The following ARHGAP44 variants were observed in gnomAD, a reference collection of about 807,000 sequenced individuals.
ARHGAP44 encodes the protein Rho GTPase activating protein 44.
ARHGAP44 carries 43 observed loss-of-function variants against 106.8 expected under a neutral mutation model. The ratio of observed to expected loss-of-function variants is 0.40; its 90% CI spans 0.32 to 0.52. The LOEUF (loss-of-function observed/expected upper bound fraction) is 0.52. Ranked by LOEUF, ARHGAP44 falls within the 20% of genes least tolerant of loss-of-function variation. The pLI, the probability that ARHGAP44 is intolerant of heterozygous loss-of-function variation, is 0.48. For synonymous variants in ARHGAP44, 439 were observed against 410.3 expected (o/e 1.07, Z -0.85); for missense variants, 866 against 1,050.5 (o/e 0.82, Z 2.43).
chr17:12,956,064 G>T, intron 14 of ARHGAP44, 84 bp downstream of exon 14: 2 of 925,338 alleles, frequency 2.2e-6, no homozygotes, highest in East Asian at 5.0e-5. Flanking sequence ...CTGGGGCCTA[G>T]CTGAGCACCA....
In ARHGAP44 at chr17:12,990,311, G is replaced by GA; in HGVS notation, c.*144dup. Reference sequence around the variant, plus strand: ...GCCAACACGAGGTTGGAATTTGGCAGAAAATTGTGATCTCCAGTCCGTGTG... The same window carrying GA: ...GCCAACACGAGGTTGGAATTTGGCAGAAAAATTGTGATCTCCAGTCCGTGTG... On this transcript the variant is annotated 3_prime_UTR_variant, in exon 21 of 21. Transcript: ENST00000379672. The GA allele has an allele frequency of 8.6e-7, 1 of 1,164,312 alleles. No individual in the cohort carries two copies. Among genetic ancestry groups the GA allele is most frequent in the Non-Finnish European group, 1.2e-6 (1 of 844,464 alleles). 72.1% of individuals were successfully genotyped at this position (1,164,312 alleles called of 1,614,324 possible). A position where few individuals can be genotyped will look rare whatever the true frequency, so the allele number is the denominator to read the frequency against.
intron 1 of ARHGAP44, among the ~76,000 whole-genome samples, chr17:12,796,064 A>T (rs892241041): frequency 2.0e-5 from 3 of 152,168 alleles, no homozygotes; most frequent in African/African-American, 4.8e-5. Context: ...AGGAAAAAAA[A>T]ATCACCTATA....
intron 1 of ARHGAP44, among the ~76,000 whole-genome samples, chr17:12,808,889 G>C (rs548681927): frequency 6.6e-6 from 1 of 152,090 alleles, no homozygotes; most frequent in African/African-American, 2.4e-5. Flanking sequence ...TCTTTTAAAC[G>C]TAAGTTTCAA....
chr17:12,914,670 C>T (rs530735197), intron 4 of ARHGAP44, among the ~76,000 whole-genome samples: 49 of 152,154 alleles, frequency 3.2e-4, no homozygotes, highest in Non-Finnish European at 5.0e-4. Flanking sequence ...GTGGCAGCCT[C>T]CTGTAATCCC....
chr17:12,811,728 T>C (rs1048005116), intron 1 of ARHGAP44, among the ~76,000 whole-genome samples: 6 of 152,204 alleles, frequency 3.9e-5, no homozygotes, highest in Admixed American at 1.3e-4. Flanking sequence ...GAGAACAGTA[T>C]TGGAACAGGC....
At chr17:12,912,383 T>C (rs1013558033) in intron 4 of ARHGAP44, among the ~76,000 whole-genome samples, 1 of 150,768 alleles carries the variant, frequency 6.6e-6, no homozygotes, top group Non-Finnish European at 1.5e-5. Context: ...ACACAGACAG[T>C]AGAAAAAATT....
chr17:12,960,065 G>C (rs573431396), intron 16 of ARHGAP44, among the ~76,000 whole-genome samples: 1 of 152,284 alleles, frequency 6.6e-6, no homozygotes, highest in East Asian at 1.9e-4. Context: ...CTTGTTTCCT[G>C]GGATGACGGT....
At chr17:12,843,264 C>A (rs891808425) in intron 1 of ARHGAP44, among the ~76,000 whole-genome samples, 1 of 152,156 alleles carries the variant, frequency 6.6e-6, no homozygotes, top group Non-Finnish European at 1.5e-5. Context: ...TTTCTCCCCC[C>A]ACCTCCCCAT....
Position 12,990,567 on chromosome 17 carries a change from G to A in ARHGAP44, c.*396G>A, listed in dbSNP as rs2040106590. The A allele has an allele frequency of 1.1e-5, 2 of 179,474 alleles. No individual in the cohort carries two copies. Among genetic ancestry groups the A allele is most frequent in the Non-Finnish European group, 2.4e-5 (2 of 82,242 alleles). The allele number at this position is 179,474 out of a possible 1,614,324, so 11.1% of individuals were successfully genotyped here. The stretch of plus-strand genomic sequence containing the variant: ...ACCCAAGGGCTGCTACCTTTTCCTT[G>A]GACGGCTCATGTCAGGTCTTGCAGG... On this transcript the variant is annotated 3_prime_UTR_variant, in exon 21 of 21. Coordinates refer to ENST00000379672, the MANE Select transcript of ARHGAP44 (RefSeq NM_014859.6).
At chr17:12,820,895 A>C (rs912596311) in intron 1 of ARHGAP44, among the ~76,000 whole-genome samples, 2 of 152,188 alleles carry the variant, frequency 1.3e-5, no homozygotes, top group African/African-American at 2.4e-5. Flanking sequence ...GGGCAGGCAG[A>C]GGCTTTGAAG....
intron 18 of ARHGAP44, among the ~76,000 whole-genome samples, chr17:12,979,620 G>C (rs187865350): frequency 6.6e-6 from 1 of 152,324 alleles, no homozygotes; most frequent in South Asian, 2.1e-4. Context: ...GCAGGAGTCC[G>C]TGTCATCAGC....
In ARHGAP44 at chr17:12,970,633, T is replaced by A. The variant is rs533536472; in HGVS notation, c.1524-2669T>A. Among the ~76,000 whole-genome samples, 4 of 152,350 alleles carry A rather than the reference T, an allele frequency of 2.6e-5. No individual in the cohort carries two copies. The South Asian group carries it at 8.3e-4, about 32-fold the overall frequency. ...AAATCTTTGCCATCTAGATTGTCCT[T>A]AGGTATCCATGCAGGGATGTCTGCT... On this transcript the variant is annotated intron_variant, in intron 16 of 20. Coordinates refer to ENST00000379672, the MANE Select transcript of ARHGAP44 (RefSeq NM_014859.6).
At chr17:12,843,314 C>T (rs901916271) in intron 1 of ARHGAP44, among the ~76,000 whole-genome samples, 13 of 152,190 alleles carry the variant, frequency 8.5e-5, no homozygotes, top group Non-Finnish European at 1.5e-4. Flanking sequence ...TAATTGACCT[C>T]AGTGGATCTC....
intron 1 of ARHGAP44, 43 bp downstream of exon 1, chr17:12,789,934 G>A (rs1419053924): frequency 6.7e-7 from 1 of 1,489,852 alleles, no homozygotes. Context: ...CGCCCGCGAG[G>A]CTGCATCCGC....
chr17:12,821,745 G>A (rs942877832), intron 1 of ARHGAP44, among the ~76,000 whole-genome samples: 26 of 152,136 alleles, frequency 1.7e-4, no homozygotes, highest in Admixed American at 1.7e-3. Flanking sequence ...CCTTTTGGAT[G>A]TTTTCCAAAC....
chr17:12,844,846 G>A (rs1170572797), intron 1 of ARHGAP44, among the ~76,000 whole-genome samples: 1 of 132,164 alleles, frequency 7.6e-6, no homozygotes, highest in Non-Finnish European at 1.5e-5. Context: ...TTTGGGCCAG[G>A]CTTTATGGTT....
At chr17:12,882,097 T>C (rs1260208816) in intron 1 of ARHGAP44, among the ~76,000 whole-genome samples, 10 of 152,198 alleles carry the variant, frequency 6.6e-5, no homozygotes, top group African/African-American at 9.6e-5. Flanking sequence ...AGAACTGATA[T>C]GTTTTCAGAA....
intron 1 of ARHGAP44, among the ~76,000 whole-genome samples, chr17:12,854,403 G>A (rs1009967203): frequency 3.9e-5 from 6 of 152,030 alleles, no homozygotes; most frequent in African/African-American, 7.3e-5. Flanking sequence ...TCCCCCCTTT[G>A]ACAATATTAT....
At chr17:12,840,740 C>A (rs941219829) in intron 1 of ARHGAP44, among the ~76,000 whole-genome samples, 1 of 152,128 alleles carries the variant, frequency 6.6e-6, no homozygotes, top group African/African-American at 2.4e-5. Flanking sequence ...ATGTAAAGAG[C>A]GGAGATTCAT....
Sources: allele counts gnomAD v4.1 joint callset (sites outside exome capture counted in the v4.1 genomes callset), GRCh38; gene constraint gnomAD v4.1.1; transcripts MANE v1.5; gene names NCBI Gene and HGNC (gene_info 2026-07-23, HGNC 2026-07-21).